Variants in PITPNM1 observed in about 807,000 individuals in gnomAD.
PITPNM1 encodes the protein membrane-associated phosphatidylinositol transfer protein 1.
A neutral mutation model predicts 133.3 loss-of-function variants in PITPNM1; 74 were observed. That is an observed-to-expected ratio of 0.56 (90% CI 0.46 to 0.67). PITPNM1 has a LOEUF of 0.67. Among genes scored for constraint, PITPNM1 ranks in the 30% least tolerant of loss-of-function variants. The probability of loss-of-function intolerance (pLI) is 0.00; values close to 1 mark genes in which losing one functional copy is unlikely to be tolerated. For missense variants in PITPNM1, 1,398 were observed against 1,739.5 expected (o/e 0.80, Z 3.49); for synonymous variants, 738 against 741.4 (o/e 1.00, Z 0.08).
rs140541266 is a variant in PITPNM1 at position 67,492,800 on chromosome 11, C to T, written c.3471+134G>A. 1,532 of 1,167,452 alleles carry T rather than the reference C, an allele frequency of 1.3e-3. 15 individuals are homozygous for T. The African/African-American group carries it at 0.019, about 15-fold the overall frequency. 72.3% of individuals were successfully genotyped at this position (1,167,452 alleles called of 1,614,324 possible). ...TCAAGCTGCTCATGGCCCTTGTCCT[C>T]GGAGGATCCCAGGTTCCCTGGAGGC... On this transcript the variant is annotated intron_variant, in intron 23 of 23. Coordinates refer to ENST00000356404, the MANE Select transcript of PITPNM1 (RefSeq NM_004910.3).
In PITPNM1 at chr11:67,494,312, G is replaced by A; in HGVS notation, c.2791C>T (p.Arg931Cys). 6.2e-7 allele frequency: 1 copy of A among 1,611,948 alleles called. No homozygotes were observed. The highest frequency in any genetic ancestry group is 1.1e-5 in the South Asian group (1 of 91,010). The change falls in exon 19 of 24, where the codon CGC (arginine) becomes TGC (cysteine). Residue 931 changes from arginine to cysteine, a missense_variant. Arg to Cys is a radical substitution (Grantham distance 180, BLOSUM62 -3). Transcript: ENST00000356404. ...AAGCGCCCGCTTAGCACCTGGGGGC[G>A]GCCCTCGCACACCACCGTGTCGCTC... ...RASDTVVCEG[R>C]PQVLSGRFMY...
Position 67,504,202 on chromosome 11 carries a change from G to A in PITPNM1, c.-22C>T, listed in dbSNP as rs1239614066. ...GCATCCTGAAGGCGCTCGGCGGGCC[G>A]CGCGCGGCCTCCGCTCCTCCTGGCG... is the stretch of plus-strand genomic sequence containing the variant. On this transcript the variant is annotated 5_prime_UTR_variant, in exon 2 of 24. Coordinates refer to ENST00000356404, the MANE Select transcript of PITPNM1 (RefSeq NM_004910.3). The surrounding 1 kb of genome is among the most constrained non-coding windows in gnomAD (Gnocchi z 5.4). 4 of 1,578,222 alleles carry A rather than the reference G, an allele frequency of 2.5e-6. No individual in the cohort carries two copies. The Admixed American group carries it at 5.4e-5, about 21-fold the overall frequency.
Position 67,500,220 on chromosome 11 carries a change from G to T in PITPNM1, c.842C>A (p.Ala281Glu). The T allele has an allele frequency of 6.2e-7, 1 of 1,604,012 alleles. No individual in the cohort carries two copies. The change falls in exon 6 of 24, where the codon GCG (alanine) becomes GAG (glutamate). Residue 281 changes from alanine (A) to glutamate (E), a missense_variant. Ala to Glu is a moderately radical substitution (Grantham distance 107). This residue lies in a region of PITPNM1 where 195 missense variants were observed against 178.8 expected (regional missense o/e 1.09). Coordinates refer to ENST00000356404, the MANE Select transcript of PITPNM1 (RefSeq NM_004910.3). ...PGKPSTEARSAASNTGTPDGP... is the reference protein window; with the variant it reads ...PGKPSTEARSEASNTGTPDGP... ...ATCGGGGGTGCCAGTGTTGCTGGCC[G>T]CAGACCGGGCCTCGGTGCTCGGTTT...
intron 18 of PITPNM1, among the ~76,000 whole-genome samples, 187 bp from the exon 19 acceptor site, chr11:67,494,547 C>T (rs543346984): frequency 1.3e-5 from 2 of 152,124 alleles, no homozygotes; most frequent in East Asian, 1.9e-4. Context: ...GTGTGTGGGC[C>T]GCGCCTCCAG....
rs556870958 is a variant in PITPNM1, at chr11:67,501,964, C to T, written c.538G>A (p.Ala180Thr). The T allele has an allele frequency of 6.2e-6, 10 of 1,613,552 alleles. No homozygotes were observed. In the Admixed American group the frequency reaches 6.7e-5, roughly 11 times the overall value. Residue 180 changes from alanine to threonine, a missense_variant, in exon 5 of 24, where the codon GCG becomes ACG. Physicochemically the swap from Ala to Thr is moderately conservative, Grantham distance 58. Transcript: ENST00000356404. ...CACATAAGGGGCCCCGTCTGTGCCG[C>T]CGTCCGTGCCCAGTCATCAGACAGT... ...GPLSDDWART[A>T]AQTGPLMCAY...
chr11:67,500,080 G>C lies in PITPNM1; in HGVS notation c.967+15C>G, dbSNP rs370256337. 2.6e-4 allele frequency: 420 copies of C among 1,600,238 alleles called. No homozygotes were observed. The highest frequency in any genetic ancestry group is 5.7e-4 in the Admixed American group (34 of 59,744). On this transcript the variant is annotated intron_variant, in intron 6 of 23. Transcript: ENST00000356404. The stretch of plus-strand genomic sequence containing the variant: ...GGGGAGGGCCGTTCCTCCCATCCCT[G>C]TGCCCCAGCCTCACCTCCATGTTGG...
chr11:67,494,784 CCT>C, intron 18 of PITPNM1, 60 bp downstream of exon 18: 2 of 388,634 alleles, frequency 5.1e-6, no homozygotes, highest in East Asian at 8.2e-5. Flanking sequence ...AGGGGCGGGG[CCT>C]CTCTGGTGAG....
chr11:67,493,330 G>A, intron 22 of PITPNM1, 80 bp downstream of exon 22: 1 of 1,380,742 alleles, frequency 7.2e-7, no homozygotes, highest in Non-Finnish European at 9.8e-7. Context: ...GGAACAGATG[G>A]GCCTCCGCCG....
At position 67,504,267 on chromosome 11, in the gene PITPNM1, C is replaced by T; in HGVS notation, c.-41-46G>A. The T allele has an allele frequency of 1.3e-6, 1 of 796,582 alleles. No homozygotes were observed. Among genetic ancestry groups the T allele is most frequent in the Non-Finnish European group, 1.7e-6 (1 of 581,300 alleles). The allele number at this position is 796,582 out of a possible 1,614,324, so 49.3% of individuals were successfully genotyped here. On this transcript the variant is annotated intron_variant, in intron 1 of 23. Coordinates refer to ENST00000356404, the MANE Select transcript of PITPNM1 (RefSeq NM_004910.3). This position sits in a 1 kb window ranked among gnomAD's most constrained non-coding sequence, Gnocchi z 5.4. Reference sequence around the variant, plus strand: ...ACAGTCAGTGCGGGGAGGCTGCGCGCGGCCCCGAGCCCTGCGCGCCGGCCG... The same window carrying T: ...ACAGTCAGTGCGGGGAGGCTGCGCGTGGCCCCGAGCCCTGCGCGCCGGCCG...
chr11:67,500,445 C>T, intron 5 of PITPNM1, 24 bp from the exon 6 acceptor site: 1 of 1,588,038 alleles, frequency 6.3e-7, no homozygotes, highest in Non-Finnish European at 8.6e-7. Context: ...GGCGTCAGAA[C>T]TGCCCCCTCC....
At position 67,492,181 on chromosome 11, in the gene PITPNM1, G is replaced by A. The variant is rs201383650; in HGVS notation, c.3587C>T (p.Ala1196Val). The change falls in exon 24 of 24, where the codon GCC (alanine) becomes GTC (valine). Residue 1196 changes from alanine (A) to valine (V), a missense_variant. By Grantham distance (64) the Ala-to-Val change is moderately conservative (BLOSUM62 0). Coordinates refer to ENST00000356404, the MANE Select transcript of PITPNM1 (RefSeq NM_004910.3). ...ALGKSSYGVA[A>V]PVDFLRKQSQ... is the part of the protein sequence containing the mutation. ...CTGTTTGCGCAGGAAGTCCACGGGG[G>A]CAGCCACACCATAGCTGCTCTTGCC... 7.4e-6 allele frequency: 12 copies of A among 1,610,922 alleles called. 1 individual carries two copies. The South Asian group carries it at 9.9e-5, about 13-fold the overall frequency.
intron 5 of PITPNM1, 73 bp from the exon 6 acceptor site, chr11:67,500,494 G>C: frequency 6.8e-7 from 1 of 1,469,572 alleles, no homozygotes. Context: ...GCCCAGCCTT[G>C]AGGTTGGATA....
At chr11:67,501,527 CCTT>C (rs1866321226) in intron 5 of PITPNM1, among the ~76,000 whole-genome samples, 1 of 152,196 alleles carries the variant, frequency 6.6e-6, no homozygotes, top group Non-Finnish European at 1.5e-5. Flanking sequence ...AGCCTGCACT[CCTT>C]AGCATGCTGC....
Position 67,494,841 on chromosome 11 carries a change from C to G in PITPNM1, c.2742+5G>C. 6.2e-7 allele frequency: 1 copy of G among 1,604,616 alleles called. No individual in the cohort carries two copies. On this transcript the variant is annotated splice_donor_5th_base_variant and intron_variant, in intron 18 of 23. Transcript: ENST00000356404. ...GGGCGAGGGGGCGAGGGGCAGGGCA[C>G]CTACCCGGATCTTGACCTGCGTGCG...
At position 67,500,234 on chromosome 11, in the gene PITPNM1, G is replaced by A. The variant is rs748675950; in HGVS notation, c.828C>T (p.Thr276=). Residue 276 remains threonine, a synonymous_variant, in exon 6 of 24, where the codon ACC becomes ACT. Coordinates refer to ENST00000356404, the MANE Select transcript of PITPNM1 (RefSeq NM_004910.3). The part of the protein sequence containing the change: ...SEAQPPGKPS[T]EARSAASNTG... ...TGTTGCTGGCCGCAGACCGGGCCTC[G>A]GTGCTCGGTTTCCCGGGGGGCTGGG... is the stretch of plus-strand genomic sequence containing the variant. The A allele has an allele frequency of 2.5e-6, 4 of 1,605,108 alleles. No individual in the cohort carries two copies. The highest frequency in any genetic ancestry group is 2.2e-5 in the East Asian group (1 of 44,876).
rs747783361 is a variant in PITPNM1 at position 67,494,391 on chromosome 11, C to T, written c.2743-31G>A. ...GGGAGGAGAGGGCGTGAGTCCGCGGCCAGCAAAGGATGGGGATGCTTGGGG... is the reference window on the plus strand; with the variant it reads ...GGGAGGAGAGGGCGTGAGTCCGCGGTCAGCAAAGGATGGGGATGCTTGGGG... On this transcript the variant is annotated intron_variant, in intron 18 of 23. Transcript: ENST00000356404. 13 of 1,508,616 alleles carry T rather than the reference C, an allele frequency of 8.6e-6. No individual in the cohort carries two copies. In the African/African-American group the frequency reaches 1.8e-4, roughly 21 times the overall value. 93.5% of individuals were successfully genotyped at this position (1,508,616 alleles called of 1,614,324 possible).
At chr11:67,495,307 C>G in intron 16 of PITPNM1, 82 bp from the exon 17 acceptor site, 2 of 1,486,292 alleles carry the variant, frequency 1.3e-6, no homozygotes, top group South Asian at 1.3e-5. Context: ...TCCCTCCCCC[C>G]TTTTCACCCA....
Position 67,504,196 on chromosome 11 carries a change from C to G in PITPNM1, c.-16G>C, listed in dbSNP as rs1591068088. 1.3e-6 allele frequency: 2 copies of G among 1,566,436 alleles called. No homozygotes were observed. The highest frequency in any genetic ancestry group is 1.8e-5 in the Admixed American group (1 of 55,862). ...TGATGAGCATCCTGAAGGCGCTCGGCGGGCCGCGCGCGGCCTCCGCTCCTC... is the reference window on the plus strand; with the variant it reads ...TGATGAGCATCCTGAAGGCGCTCGGGGGGCCGCGCGCGGCCTCCGCTCCTC... On this transcript the variant is annotated 5_prime_UTR_variant, in exon 2 of 24. Transcript: ENST00000356404. This position sits in a 1 kb window ranked among gnomAD's most constrained non-coding sequence, Gnocchi z 5.4.
rs1866362767 is a variant in PITPNM1 at position 67,502,486 on chromosome 11, C to T, written c.293+18G>A. ...GCTCCCCTCCTGGCCTCGGACCATG[C>T]CCAGCTCACCCACTCACCGGGTTCG... is the stretch of plus-strand genomic sequence containing the variant. On this transcript the variant is annotated intron_variant, in intron 3 of 23. Coordinates refer to ENST00000356404, the MANE Select transcript of PITPNM1 (RefSeq NM_004910.3). This position sits in a 1 kb window ranked among gnomAD's most constrained non-coding sequence, Gnocchi z 5.9. 1.9e-6 allele frequency: 3 copies of T among 1,613,624 alleles called. No individual in the cohort carries two copies. The highest frequency in any genetic ancestry group is 1.7e-5 in the Admixed American group (1 of 60,034).
Sources: gnomAD v4.1 joint callset for allele counts (sites outside exome capture counted in the v4.1 genomes callset) on GRCh38, gnomAD v4.1.1 for gene constraint, gnomAD v4.1.1 regional missense constraint, Gnocchi (gnomAD v3.1) non-coding constraint, MANE v1.5 for transcripts, NCBI Gene and HGNC (gene_info 2026-07-23, HGNC 2026-07-21) for gene names.